Variants in METTL24 observed in about 807,000 individuals in gnomAD.
The protein encoded by METTL24 is methyltransferase like 24, also known as probable methyltransferase-like protein 24.
A neutral mutation model predicts 32.7 loss-of-function variants in METTL24; 29 were observed. That is an observed-to-expected ratio of 0.89 (90% CI 0.66 to 1.21). The LOEUF (loss-of-function observed/expected upper bound fraction) is 1.21. Ranked by LOEUF, METTL24 falls within the 50% of genes most tolerant of loss-of-function variation. The pLI is 0.00. For synonymous variants in METTL24, 163 were observed against 179.5 expected, an observed-to-expected ratio of 0.91 and a Z score of 0.73; for missense variants, 439 against 468.1, an observed-to-expected ratio of 0.94 and a Z score of 0.57.
intron 3 of METTL24, among the ~76,000 whole-genome samples, chr6:110,311,021 GCCACAGAATT>G (rs1771711414): frequency 6.6e-6 from 1 of 152,132 alleles, no homozygotes; most frequent in Admixed American, 6.5e-5. Context: ...TGTATGGAGG[GCCACAGAATT>G]CACTTACTAC....
chr6:110,291,505 T>C (rs532500869), intron 4 of METTL24, among the ~76,000 whole-genome samples: 1 of 152,198 alleles, frequency 6.6e-6, no homozygotes, highest in Non-Finnish European at 1.5e-5. Context: ...ATTAATTATA[T>C]ACGTGTTTCT....
chr6:110,338,948 T>G (rs750058434), intron 1 of METTL24, among the ~76,000 whole-genome samples: 2 of 152,198 alleles, frequency 1.3e-5, no homozygotes, highest in Non-Finnish European at 2.9e-5. Context: ...AAACAGTGTT[T>G]GTCATGGGAG....
chr6:110,317,750 C>T (rs989835522), intron 2 of METTL24, among the ~76,000 whole-genome samples: 1 of 152,088 alleles, frequency 6.6e-6, no homozygotes, highest in Non-Finnish European at 1.5e-5. Context: ...CCAAACCTAG[C>T]TCTAACCTTT....
At chr6:110,329,788 A>C (rs530294293) in intron 1 of METTL24, among the ~76,000 whole-genome samples, 1 of 152,342 alleles carries the variant, frequency 6.6e-6, no homozygotes, top group African/African-American at 2.4e-5. Context: ...CAGGTAACCC[A>C]TGCAAAAATT....
chr6:110,319,422 T>TGG (rs765643423), intron 2 of METTL24, among the ~76,000 whole-genome samples: 28 of 107,704 alleles, frequency 2.6e-4, no homozygotes, highest in African/African-American at 8.4e-4. Flanking sequence ...GAGGTAGAGA[T>TGG]AGATAGATAG....
intron 1 of METTL24, among the ~76,000 whole-genome samples, chr6:110,325,244 G>A (rs1771997604): frequency 1.3e-5 from 2 of 152,170 alleles, no homozygotes; most frequent in Non-Finnish European, 2.9e-5. Flanking sequence ...CACATGTTAT[G>A]GTTTTCCTCA....
At chr6:110,318,230 T>C (rs1771861431) in intron 2 of METTL24, among the ~76,000 whole-genome samples, 1 of 152,220 alleles carries the variant, frequency 6.6e-6, no homozygotes, top group Admixed American at 6.5e-5. Context: ...TGACACTTTG[T>C]CTACTTTAAG....
chr6:110,327,855 G>T lies in METTL24; in HGVS notation c.319-4983C>A, dbSNP rs561014960. Among the ~76,000 whole-genome samples, 3 of 152,270 alleles carry T rather than the reference G, an allele frequency of 2.0e-5. No individual in the cohort carries two copies. The South Asian group carries it at 6.2e-4, about 32-fold the overall frequency. On this transcript the variant is annotated intron_variant, in intron 1 of 4. Transcript: ENST00000338882. Reference sequence around the variant, plus strand: ...TTTTACTCCAAACAATTCCCTAAATGCCAGGGTACATTAAATGCCTATCAT... The same window carrying T: ...TTTTACTCCAAACAATTCCCTAAATTCCAGGGTACATTAAATGCCTATCAT...
chr6:110,256,142 G>T (rs1052451935), intron 4 of METTL24, among the ~76,000 whole-genome samples: 1 of 151,928 alleles, frequency 6.6e-6, no homozygotes, highest in Admixed American at 6.6e-5. Flanking sequence ...AAGAAGTCTC[G>T]GGATGTGTGT....
intron 1 of METTL24, among the ~76,000 whole-genome samples, chr6:110,350,354 T>C (rs995231814): frequency 1.3e-5 from 2 of 152,158 alleles, no homozygotes; most frequent in African/African-American, 2.4e-5. Context: ...AATCAGTCCC[T>C]GTTTGTACTA....
At chr6:110,249,597 C>T (rs1472352408) in intron 4 of METTL24, among the ~76,000 whole-genome samples, 1 of 152,034 alleles carries the variant, frequency 6.6e-6, no homozygotes, top group South Asian at 2.1e-4. Flanking sequence ...TCCATTATTA[C>T]TCCATAATGC....
In METTL24 at chr6:110,315,947, T is replaced by C. The variant is rs562617443; in HGVS notation, c.418-466A>G. 2.2e-4 allele frequency among the ~76,000 whole-genome samples: 33 copies of C among 152,302 alleles called. No individual in the cohort carries two copies. The South Asian group carries it at 6.6e-3, about 31-fold the overall frequency. ...TACTATAAGATGTGAGGCACAATGA[T>C]AGGCATAGATCTCAGAAGCATACTC... On this transcript the variant is annotated intron_variant, in intron 2 of 4. Coordinates refer to ENST00000338882, the MANE Select transcript of METTL24 (RefSeq NM_001123364.3).
intron 1 of METTL24, among the ~76,000 whole-genome samples, chr6:110,355,981 C>T: frequency 6.6e-6 from 1 of 152,104 alleles, no homozygotes; most frequent in Non-Finnish European, 1.5e-5. Context: ...TCAGTACTGT[C>T]GTTTGAGGTA....
chr6:110,344,056 A>G (rs1035428187), intron 1 of METTL24, among the ~76,000 whole-genome samples: 4 of 152,204 alleles, frequency 2.6e-5, no homozygotes, highest in Non-Finnish European at 5.9e-5. Context: ...AAGCTGGAAG[A>G]GATGAGATCA....
intron 4 of METTL24, among the ~76,000 whole-genome samples, chr6:110,265,706 T>C (rs1401766555): frequency 6.6e-6 from 1 of 152,148 alleles, no homozygotes; most frequent in Non-Finnish European, 1.5e-5. Context: ...AAGGATTATA[T>C]GCCAGGGGAG....
intron 1 of METTL24, among the ~76,000 whole-genome samples, chr6:110,324,861 T>C (rs1185047853): frequency 6.6e-6 from 1 of 152,196 alleles, no homozygotes; most frequent in African/African-American, 2.4e-5. Context: ...CAGGCACTGG[T>C]AAATAGAGAT....
chr6:110,282,220 T>C (rs542234812), intron 4 of METTL24, among the ~76,000 whole-genome samples: 1 of 152,286 alleles, frequency 6.6e-6, no homozygotes, highest in South Asian at 2.1e-4. Context: ...TCTTTAACAC[T>C]TTCTGCAGTA....
intron 4 of METTL24, among the ~76,000 whole-genome samples, chr6:110,259,421 G>A (rs1778447243): frequency 1.3e-5 from 2 of 152,332 alleles, no homozygotes; most frequent in African/African-American, 2.4e-5. Flanking sequence ...GCTGGGGGAG[G>A]GGCACCCACC....
intron 1 of METTL24, among the ~76,000 whole-genome samples, chr6:110,355,630 TCTC>T (rs922214613): frequency 6.6e-6 from 1 of 152,170 alleles, no homozygotes; most frequent in Non-Finnish European, 1.5e-5. Flanking sequence ...AGCCTGGACA[TCTC>T]CTCCAAGCTC....
Sources: allele counts gnomAD v4.1 joint callset (sites outside exome capture counted in the v4.1 genomes callset), GRCh38; gene constraint gnomAD v4.1.1; transcripts MANE v1.5; gene names NCBI Gene and HGNC (gene_info 2026-07-23, HGNC 2026-07-21).